GALNT17: variants seen among roughly 807,000 people sequenced by gnomAD.
GALNT17 encodes the protein polypeptide N-acetylgalactosaminyltransferase 17.
In GALNT17, 29 loss-of-function variants were observed where a neutral mutation model predicts 63.7. The observed-to-expected ratio is 0.46, with a 90% confidence interval of 0.34 to 0.62. GALNT17 has a LOEUF of 0.62. Among genes scored for constraint, GALNT17 ranks in the 20% least tolerant of loss-of-function variants. GALNT17 has a pLI of 0.01. For synonymous variants in GALNT17, 305 were observed against 318.3 expected (o/e 0.96, Z 0.45); for missense variants, 603 against 799.6 (o/e 0.75, Z 2.97).
At chr7:71,237,690 CCAAA>C (rs1229837007) in intron 1 of GALNT17, among the ~76,000 whole-genome samples, 13 of 152,088 alleles carry the variant, frequency 8.5e-5, no homozygotes, top group Middle Eastern at 3.4e-3. Flanking sequence ...TTCTCAAAAA[CCAAA>C]CAAACAAACA....
chr7:71,432,082 G>A (rs1486549825), intron 5 of GALNT17, among the ~76,000 whole-genome samples: 1 of 152,086 alleles, frequency 6.6e-6, no homozygotes, highest in Non-Finnish European at 1.5e-5. Context: ...AGCTGAGGCA[G>A]GATAATCACT....
intron 2 of GALNT17, among the ~76,000 whole-genome samples, chr7:71,384,269 G>C (rs531855049): frequency 1.2e-4 from 19 of 152,294 alleles, no homozygotes; most frequent in South Asian, 1.2e-3. Context: ...TGGCTCACAT[G>C]GTTGTGGTAA....
Position 71,669,964 on chromosome 7 carries a change from C to T in GALNT17, c.1267-8C>T, listed in dbSNP as rs772467303. 7 of 1,613,854 alleles carry T rather than the reference C, an allele frequency of 4.3e-6. No homozygotes were observed. The highest frequency in any genetic ancestry group is 1.3e-5 in the African/African-American group (1 of 74,920). ...CACTAACACCCCTTGGCTTCTCTCT[C>T]CTTTCAGAATCCGGGAATTGACATC... On this transcript the variant is annotated splice_region_variant and splice_polypyrimidine_tract_variant and intron_variant, in intron 7 of 10. Coordinates refer to ENST00000333538, the MANE Select transcript of GALNT17 (RefSeq NM_022479.3).
intron 2 of GALNT17, among the ~76,000 whole-genome samples, chr7:71,359,255 T>G (rs1792351990): frequency 6.6e-6 from 1 of 152,292 alleles, no homozygotes; most frequent in Middle Eastern, 3.4e-3. Flanking sequence ...CAGCATTTGC[T>G]CAGGTTCTGT....
intron 6 of GALNT17, among the ~76,000 whole-genome samples, chr7:71,575,428 C>T (rs1207498083): frequency 2.0e-5 from 3 of 149,898 alleles, no homozygotes; most frequent in African/African-American, 7.4e-5. Context: ...CTCGCTCTGT[C>T]GCTGAGGCTG....
At chr7:71,327,124 C>T (rs568233700) in intron 1 of GALNT17, among the ~76,000 whole-genome samples, 1 of 152,260 alleles carries the variant, frequency 6.6e-6, no homozygotes, top group South Asian at 2.1e-4. Context: ...CTGGAGGTGA[C>T]CACATGTATG....
chr7:71,574,119 A>G (rs1049364520), intron 6 of GALNT17, among the ~76,000 whole-genome samples: 2 of 152,182 alleles, frequency 1.3e-5, no homozygotes, highest in Non-Finnish European at 2.9e-5. Flanking sequence ...TGCAATGAAC[A>G]TACGTGTGCA....
chr7:71,385,644 G>A (rs1792929392), intron 2 of GALNT17, among the ~76,000 whole-genome samples: 1 of 152,168 alleles, frequency 6.6e-6, no homozygotes, highest in Non-Finnish European at 1.5e-5. Flanking sequence ...CCCCCTTGAA[G>A]GGAAATCAAA....
rs774198934 is a variant in GALNT17 at position 71,695,598 on chromosome 7, G to GCA, written c.1501-15161_1501-15160dup. 3.5e-4 allele frequency among the ~76,000 whole-genome samples: 54 copies of GCA among 152,328 alleles called. 1 individual carries two copies. The East Asian group carries it at 6.2e-3, about 17-fold the overall frequency. ...ATCTGATGAGTTTTGCCAGGTGTGT[G>GCA]CACCTGTGAAGGGGCTCTTGAAATC... On this transcript the variant is annotated intron_variant, in intron 9 of 10. Transcript: ENST00000333538.
intron 5 of GALNT17, among the ~76,000 whole-genome samples, chr7:71,465,637 G>A (rs759612745): frequency 1.4e-4 from 21 of 152,076 alleles, no homozygotes; most frequent in Non-Finnish European, 2.6e-4. Flanking sequence ...CAAACCTTTG[G>A]CCCCTCTGAA....
At position 71,601,722 on chromosome 7, in the gene GALNT17, C is replaced by T. The variant is rs761946687; in HGVS notation, c.1080+30320C>T. On this transcript the variant is annotated intron_variant, in intron 6 of 10. Transcript: ENST00000333538. ...ATCAGTTGAGCCCAGGAGTTCAAGG[C>T]TGTAACAAGCTAAGATCACACCACT... Among the ~76,000 whole-genome samples, 67 of 152,020 alleles carry T rather than the reference C, an allele frequency of 4.4e-4. 1 individual carries two copies. The highest frequency in any genetic ancestry group is 3.3e-4 in the Admixed American group (5 of 15,236).
intron 5 of GALNT17, among the ~76,000 whole-genome samples, chr7:71,451,521 C>T (rs903116050): frequency 6.6e-6 from 1 of 152,116 alleles, no homozygotes; most frequent in African/African-American, 2.4e-5. Flanking sequence ...GAACTAACTC[C>T]TTATTCTCGG....
chr7:71,222,529 C>G (rs987358848), intron 1 of GALNT17, among the ~76,000 whole-genome samples: 1 of 151,814 alleles, frequency 6.6e-6, no homozygotes, highest in Non-Finnish European at 1.5e-5. Flanking sequence ...TGATCTCAAG[C>G]AATTAACCCG....
At chr7:71,299,496 C>T (rs1791154178) in intron 1 of GALNT17, among the ~76,000 whole-genome samples, 1 of 152,156 alleles carries the variant, frequency 6.6e-6, no homozygotes, top group South Asian at 2.1e-4. Flanking sequence ...TGATTTTTCC[C>T]AGGCTCCACG....
At chr7:71,289,724 A>G (rs972783907) in intron 1 of GALNT17, among the ~76,000 whole-genome samples, 6 of 152,122 alleles carry the variant, frequency 3.9e-5, no homozygotes, top group African/African-American at 1.4e-4. Context: ...TACTAAAAAA[A>G]CAAAATTAGC....
intron 5 of GALNT17, among the ~76,000 whole-genome samples, chr7:71,492,441 T>C (rs1788027367): frequency 6.6e-6 from 1 of 152,216 alleles, no homozygotes; most frequent in African/African-American, 2.4e-5. Flanking sequence ...CTTCCTGAGA[T>C]GCATCCTGTG....
chr7:71,299,580 G>A (rs971668430), intron 1 of GALNT17, among the ~76,000 whole-genome samples: 2 of 152,028 alleles, frequency 1.3e-5, no homozygotes, highest in African/African-American at 4.8e-5. Flanking sequence ...CTGTGTGCAC[G>A]TCCTGAGAAC....
chr7:71,510,036 C>A (rs912033204), intron 5 of GALNT17, among the ~76,000 whole-genome samples: 1 of 152,090 alleles, frequency 6.6e-6, no homozygotes, highest in African/African-American at 2.4e-5. Flanking sequence ...CCTTGAACTC[C>A]TGGGCTCAAG....
intron 1 of GALNT17, among the ~76,000 whole-genome samples, chr7:71,201,640 T>G (rs1453734945): frequency 1.3e-5 from 2 of 151,574 alleles, no homozygotes; most frequent in Non-Finnish European, 2.9e-5. Flanking sequence ...TTTTTTTTTT[T>G]TAGTTTTTTG....
Sources: gnomAD v4.1 joint callset for allele counts (sites outside exome capture counted in the v4.1 genomes callset) on GRCh38, gnomAD v4.1.1 for gene constraint, MANE v1.5 for transcripts, NCBI Gene and HGNC (gene_info 2026-07-23, HGNC 2026-07-21) for gene names.